STPG2: variants seen among roughly 807,000 people sequenced by gnomAD.
STPG2 encodes the protein sperm tail PG-rich repeat containing 2.
Under a neutral mutation model 54.2 loss-of-function variants are expected in STPG2, and 56 were observed. The ratio of observed to expected loss-of-function variants is 1.03; its 90% CI spans 0.83 to 1.29. The LOEUF (loss-of-function observed/expected upper bound fraction) is 1.29, where lower values mean the gene tolerates loss of function less well. Ranked by LOEUF, STPG2 falls within the 50% of genes most tolerant of loss-of-function variation. STPG2 has a pLI of 0.00. For synonymous variants in STPG2, 200 were observed against 181.8 expected (o/e 1.10, Z -0.81); for missense variants, 596 against 544.9 (o/e 1.09, Z -0.93).
chr4:97,956,458 C>T (rs1733678682), intron 7 of STPG2, among the ~76,000 whole-genome samples: 1 of 152,110 alleles, frequency 6.6e-6, no homozygotes, highest in African/African-American at 2.4e-5. Flanking sequence ...AAGGACAGAG[C>T]AGTGTGTGGA....
At chr4:97,721,473 T>C (rs1192773547) in intron 9 of STPG2, among the ~76,000 whole-genome samples, 1 of 152,114 alleles carries the variant, frequency 6.6e-6, no homozygotes, top group East Asian at 1.9e-4. Context: ...AATGGATATC[T>C]TTTACAAACA....
intron 4 of STPG2, among the ~76,000 whole-genome samples, chr4:97,516,304 T>C (rs1273992423): frequency 6.6e-6 from 1 of 152,116 alleles, no homozygotes; most frequent in Non-Finnish European, 1.5e-5. Flanking sequence ...GTCACAAATT[T>C]TAAGGTTAAA....
At chr4:97,753,614 T>C (rs1376404796) in intron 9 of STPG2, among the ~76,000 whole-genome samples, 1 of 152,034 alleles carries the variant, frequency 6.6e-6, no homozygotes, top group Non-Finnish European at 1.5e-5. Context: ...GGTAGTTCTA[T>C]GTTTAACCAT....
chr4:97,638,184 A>G (rs1187739989), intron 10 of STPG2, among the ~76,000 whole-genome samples: 1 of 152,158 alleles, frequency 6.6e-6, no homozygotes, highest in Non-Finnish European at 1.5e-5. Context: ...CTCAGAAATA[A>G]CACTGCATAT....
In STPG2 at chr4:97,910,219, A is replaced by G. The variant is rs897235095; in HGVS notation, c.1044+33678T>C. Among the ~76,000 whole-genome samples the G allele has an allele frequency of 3.9e-5, 6 of 152,354 alleles. No individual in the cohort carries two copies. In the South Asian group the frequency reaches 1.2e-3, roughly 32 times the overall value. On this transcript the variant is annotated intron_variant, in intron 8 of 10. Coordinates refer to ENST00000295268, the MANE Select transcript of STPG2 (RefSeq NM_174952.3). ...CCGGGTGCTGCAGAAACTCTTGGGC[A>G]GAGCCATGTCATCGAACTCATCCTG...
intron 5 of STPG2, among the ~76,000 whole-genome samples, chr4:98,057,060 A>G (rs1474620560): frequency 6.6e-6 from 1 of 152,184 alleles, no homozygotes; most frequent in Non-Finnish European, 1.5e-5. Flanking sequence ...ACAGTAGGCA[A>G]CCTCAAAGAT....
intron 4 of STPG2, among the ~76,000 whole-genome samples, chr4:97,510,887 G>A (rs756627409): frequency 3.9e-5 from 6 of 152,156 alleles, no homozygotes; most frequent in Non-Finnish European, 7.4e-5. Context: ...AGGATAGCTT[G>A]AGCCCAGGAG....
chr4:97,884,132 G>A (rs1024808377), intron 8 of STPG2, among the ~76,000 whole-genome samples: 4 of 152,032 alleles, frequency 2.6e-5, no homozygotes, highest in East Asian at 1.9e-4. Context: ...GGGAAGAGAG[G>A]GGGGAAAGGA....
intron 8 of STPG2, among the ~76,000 whole-genome samples, chr4:97,858,805 G>T (rs1401864830): frequency 6.6e-6 from 1 of 152,164 alleles, no homozygotes; most frequent in Non-Finnish European, 1.5e-5. Context: ...TTGGTTGATG[G>T]ACATTAAAGC....
chr4:97,687,814 A>G (rs993127830), intron 10 of STPG2, among the ~76,000 whole-genome samples: 4 of 152,134 alleles, frequency 2.6e-5, no homozygotes, highest in African/African-American at 7.2e-5. Context: ...AAGAACCTGT[A>G]TATGTTCTAA....
intron 4 of STPG2, among the ~76,000 whole-genome samples, chr4:97,484,497 C>T (rs1422054256): frequency 6.6e-6 from 1 of 151,692 alleles, no homozygotes; most frequent in African/African-American, 2.4e-5. Flanking sequence ...ATACAATTCT[C>T]CTAGCTTAAA....
chr4:97,672,006 T>C (rs774714583), intron 10 of STPG2, among the ~76,000 whole-genome samples: 22 of 152,134 alleles, frequency 1.4e-4, no homozygotes, highest in Non-Finnish European at 3.1e-4. Context: ...ATTATTTCTG[T>C]TGCTGCTGCT....
At chr4:97,916,347 GATTT>G (rs1412058639) in intron 8 of STPG2, 2 of 152,464 alleles carry the variant, frequency 1.3e-5, no homozygotes, top group African/African-American at 4.8e-5. Flanking sequence ...CTGAGGTGAG[GATTT>G]ATTTAACAGC....
chr4:97,787,735 G>A (rs1726869435), intron 9 of STPG2, among the ~76,000 whole-genome samples: 1 of 151,562 alleles, frequency 6.6e-6, no homozygotes, highest in African/African-American at 2.4e-5. Context: ...GTTCTTATCA[G>A]ATAACTTTTA....
intron 9 of STPG2, among the ~76,000 whole-genome samples, chr4:97,807,707 A>G (rs1186784626): frequency 1.3e-5 from 2 of 151,958 alleles, no homozygotes; most frequent in East Asian, 3.8e-4. Context: ...GGGCAGGAGT[A>G]TGAGGCAAAA....
intron 9 of STPG2, among the ~76,000 whole-genome samples, chr4:97,721,585 A>G (rs530994703): frequency 5.9e-5 from 9 of 152,220 alleles, no homozygotes; most frequent in African/African-American, 1.9e-4. Context: ...AAGGAAGTAT[A>G]CTCTATAATA....
intron 8 of STPG2, among the ~76,000 whole-genome samples, chr4:97,878,416 A>C (rs552255200): frequency 5.8e-4 from 89 of 152,322 alleles, no homozygotes; most frequent in African/African-American, 2.0e-3. Context: ...CTGGACATTC[A>C]GGAATTTCTA....
intron 5 of STPG2, among the ~76,000 whole-genome samples, chr4:98,017,983 G>C (rs10031751): frequency 6.6e-6 from 1 of 151,992 alleles, no homozygotes; most frequent in East Asian, 1.9e-4. Flanking sequence ...GTGGGACTGT[G>C]AGTCAGTTAA....
Position 97,594,811 on chromosome 4 carries a change from C to G in STPG2, c.1321-35694G>C, listed in dbSNP as rs1733239501. ...GACCCTTCAGCAGAAATTCTACAAG[C>G]CAGAAAAGATTGGGAGCATATATTC... On this transcript the variant is annotated intron_variant, in intron 10 of 10. Coordinates refer to ENST00000295268, the MANE Select transcript of STPG2 (RefSeq NM_174952.3). 1.3e-5 allele frequency among the ~76,000 whole-genome samples: 2 copies of G among 152,156 alleles called. 1 individual carries two copies. The highest frequency in any genetic ancestry group is 1.3e-4 in the Admixed American group (2 of 15,262).
Sources: allele counts gnomAD v4.1 joint callset (sites outside exome capture counted in the v4.1 genomes callset), GRCh38; gene constraint gnomAD v4.1.1; transcripts MANE v1.5; gene names NCBI Gene and HGNC (gene_info 2026-07-23, HGNC 2026-07-21).